Variants in CDH4 observed in about 807,000 individuals in gnomAD.
CDH4 encodes the protein cadherin-4.
In CDH4, 33 loss-of-function variants were observed where a neutral mutation model predicts 86.0. That is an observed-to-expected ratio of 0.38 (90% CI 0.29 to 0.51). The LOEUF is 0.51. Among genes scored for constraint, CDH4 ranks in the 20% least tolerant of loss-of-function variants. CDH4 has a pLI of 0.86. For missense variants in CDH4, 1,114 were observed against 1,307.4 expected, an observed-to-expected ratio of 0.85 and a Z score of 2.28; for synonymous variants, 555 against 549.4, an observed-to-expected ratio of 1.01 and a Z score of -0.14.
chr20:61,299,237 G>A (rs916273274), intron 2 of CDH4, among the ~76,000 whole-genome samples: 2 of 152,130 alleles, frequency 1.3e-5, no homozygotes, highest in African/African-American at 4.8e-5. Context: ...CGTTCATCAC[G>A]GAGCAGAGAT....
Position 61,894,804 on chromosome 20 carries a change from G to A in CDH4, c.1051-106G>A, listed in dbSNP as rs796235464. On this transcript the variant is annotated intron_variant, in intron 7 of 15. Transcript: ENST00000614565. The stretch of plus-strand genomic sequence containing the variant: ...CACAGCCCCCAGTGAAAGAGAACCG[G>A]TTCCAGGAACTCCGTTCCTGTAAAC... The A allele has an allele frequency of 1.1e-5, 14 of 1,272,454 alleles. No individual in the cohort carries two copies. The African/African-American group carries it at 2.1e-4, about 19-fold the overall frequency. 78.8% of individuals were successfully genotyped at this position (1,272,454 alleles called of 1,614,324 possible).
chr20:61,272,714 G>A (rs1325273165), intron 2 of CDH4, among the ~76,000 whole-genome samples: 1 of 151,876 alleles, frequency 6.6e-6, no homozygotes, highest in Non-Finnish European at 1.5e-5. Context: ...GGATTACTGT[G>A]TGCAGTTGTT....
chr20:61,293,382 A>C (rs928442760), intron 2 of CDH4, among the ~76,000 whole-genome samples: 1 of 152,076 alleles, frequency 6.6e-6, no homozygotes, highest in Non-Finnish European at 1.5e-5. Context: ...ATCTGGTCCC[A>C]TGGGTTCACA....
At chr20:61,411,633 T>G (rs1053677706) in intron 2 of CDH4, among the ~76,000 whole-genome samples, 1 of 152,026 alleles carries the variant, frequency 6.6e-6, no homozygotes, top group African/African-American at 2.4e-5. Context: ...ATGTCTACGT[T>G]GAACAGCTCA....
chr20:61,526,963 C>T (rs115344769), intron 2 of CDH4, among the ~76,000 whole-genome samples: 1,711 of 152,348 alleles, frequency 0.011, 21 homozygotes, highest in African/African-American at 0.038. Flanking sequence ...ATATGTCAAG[C>T]GTTCTACCGC....
intron 4 of CDH4, among the ~76,000 whole-genome samples, chr20:61,821,655 G>A (rs964645551): frequency 5.3e-5 from 8 of 152,330 alleles, no homozygotes; most frequent in Admixed American, 2.6e-4. Flanking sequence ...CTGCTTCCCC[G>A]GGTTTTGGGC....
chr20:61,605,917 G>A (rs1452905096), intron 2 of CDH4, among the ~76,000 whole-genome samples: 27 of 151,370 alleles, frequency 1.8e-4, no homozygotes, highest in Non-Finnish European at 2.9e-5. Context: ...AGGAAACCAG[G>A]TAGAGAGTGA....
intron 2 of CDH4, among the ~76,000 whole-genome samples, chr20:61,509,271 C>T (rs1043611131): frequency 1.3e-5 from 2 of 151,798 alleles, no homozygotes; most frequent in Admixed American, 1.3e-4. Flanking sequence ...CGTCAGCCAG[C>T]GCCTAAACTA....
intron 2 of CDH4, among the ~76,000 whole-genome samples, chr20:61,562,660 A>C (rs1462900605): frequency 6.6e-6 from 1 of 152,182 alleles, no homozygotes; most frequent in Non-Finnish European, 1.5e-5. Flanking sequence ...TGTTCAGACC[A>C]CCTGTGGTTG....
intron 2 of CDH4, among the ~76,000 whole-genome samples, chr20:61,702,581 G>C (rs138362790): frequency 6.6e-6 from 1 of 152,344 alleles, no homozygotes; most frequent in East Asian, 1.9e-4. Context: ...GTGCGACCTT[G>C]AGCCAGAGCC....
intron 2 of CDH4, among the ~76,000 whole-genome samples, chr20:61,395,115 G>A (rs555287504): frequency 2.0e-5 from 3 of 151,482 alleles, no homozygotes; most frequent in South Asian, 2.1e-4. Context: ...GAAGTCCCAG[G>A]GGGGAGATGC....
chr20:61,741,072 G>A (rs1408633750), intron 2 of CDH4, among the ~76,000 whole-genome samples: 1 of 152,214 alleles, frequency 6.6e-6, no homozygotes, highest in East Asian at 1.9e-4. Flanking sequence ...AGCTGGGCAT[G>A]GTGGTGCACG....
At chr20:61,839,244 C>T (rs77716566) in intron 4 of CDH4, among the ~76,000 whole-genome samples, 1 of 152,128 alleles carries the variant, frequency 6.6e-6, no homozygotes, top group South Asian at 2.1e-4. Flanking sequence ...GCAGAATGGC[C>T]GCCCCTTTCC....
At chr20:61,728,012 C>T (rs1031254637) in intron 2 of CDH4, among the ~76,000 whole-genome samples, 1 of 152,206 alleles carries the variant, frequency 6.6e-6, no homozygotes, top group Non-Finnish European at 1.5e-5. Context: ...GAAGCACCTG[C>T]GCCTCTTCAT....
At chr20:61,752,397 G>A (rs2088509619) in intron 3 of CDH4, among the ~76,000 whole-genome samples, 1 of 151,158 alleles carries the variant, frequency 6.6e-6, no homozygotes. Flanking sequence ...AGACAATAAG[G>A]CAGAGTCTGG....
At chr20:61,738,557 G>A (rs868864) in intron 2 of CDH4, 14,524 of 152,304 alleles carry the variant, frequency 0.095, 866 homozygotes, top group South Asian at 0.2. Flanking sequence ...AGAGGTGGGG[G>A]CCAACACCCC....
At chr20:61,835,172 C>T (rs1166650718) in intron 4 of CDH4, among the ~76,000 whole-genome samples, 3 of 151,206 alleles carry the variant, frequency 2.0e-5, no homozygotes, top group African/African-American at 4.9e-5. Context: ...CGCCTCAGCC[C>T]CCTGAGCATC....
intron 2 of CDH4, among the ~76,000 whole-genome samples, chr20:61,419,914 G>A (rs138171645): frequency 0.01 from 1,579 of 152,268 alleles, 40 homozygotes; most frequent in Admixed American, 0.055. Context: ...TCATTCAGTC[G>A]GTGATCATCC....
chr20:61,910,440 G>A lies in CDH4; in HGVS notation c.1207G>A (p.Glu403Lys), dbSNP rs375893301. The A allele has an allele frequency of 6.2e-6, 10 of 1,613,328 alleles. No individual in the cohort carries two copies. The highest frequency in any genetic ancestry group is 1.3e-5 in the African/African-American group (1 of 75,042). ...TTTGCAGTTTGCAGGGGAGGTCCCC[G>A]AAAACCGCGTGGAGACCGTGGTCGC... The part of the protein sequence containing the change: ...TASTFAGEVP[E>K]NRVETVVANL... The change falls in exon 9 of 16, where the codon GAA becomes AAA. Residue 403 changes from glutamate to lysine, a missense_variant. Coordinates refer to ENST00000614565, the MANE Select transcript of CDH4 (RefSeq NM_001794.5).
Sources: gnomAD v4.1 joint callset for allele counts (sites outside exome capture counted in the v4.1 genomes callset) on GRCh38, gnomAD v4.1.1 for gene constraint, MANE v1.5 for transcripts, NCBI Gene and HGNC (gene_info 2026-07-23, HGNC 2026-07-21) for gene names.